The following TENM4 variants were observed in gnomAD, a reference collection of about 807,000 sequenced individuals.
TENM4 encodes teneurin transmembrane protein 4, also known as teneurin-4.
Under a neutral mutation model 243.3 loss-of-function variants are expected in TENM4, and 82 were observed. The observed-to-expected ratio is 0.34, with a 90% CI of 0.28 to 0.40. TENM4 has a LOEUF of 0.40. TENM4 is among the 10% of genes least tolerant of loss of function. The pLI is 1.00. For synonymous variants in TENM4, 1,412 were observed against 1,456.3 expected, an observed-to-expected ratio of 0.97 and a Z score of 0.69; for missense variants, 3,138 against 3,673.3, an observed-to-expected ratio of 0.85 and a Z score of 3.77.
intron 6 of TENM4, among the ~76,000 whole-genome samples, chr11:78,993,594 T>C (rs747299859): frequency 1.5e-4 from 23 of 152,334 alleles, no homozygotes; most frequent in South Asian, 4.1e-4. Flanking sequence ...GGATAGTTTT[T>C]ATTGCCCTGT....
intron 4 of TENM4, chr11:79,092,871 C>T (rs1182324200): frequency 6.6e-6 from 1 of 152,226 alleles, no homozygotes; most frequent in African/African-American, 2.4e-5. Flanking sequence ...CCCTGGATCC[C>T]TTGTTTCCTG....
intron 12 of TENM4, among the ~76,000 whole-genome samples, chr11:78,832,196 C>T (rs1858000626): frequency 6.6e-6 from 1 of 152,212 alleles, no homozygotes; most frequent in Non-Finnish European, 1.5e-5. Context: ...TTTTCCTTTC[C>T]TTTCTTCCTA....
intron 26 of TENM4, among the ~76,000 whole-genome samples, chr11:78,710,931 C>T (rs1287086236): frequency 6.6e-6 from 1 of 152,192 alleles, no homozygotes; most frequent in East Asian, 1.9e-4. Flanking sequence ...TTAGAAAAAA[C>T]TGTTTTAAAC....
intron 1 of TENM4, among the ~76,000 whole-genome samples, chr11:79,308,313 T>C (rs992708893): frequency 4.6e-5 from 7 of 152,230 alleles, no homozygotes; most frequent in African/African-American, 1.7e-4. Context: ...CAAATAGCTA[T>C]CAAAATGTTA....
rs1418304988 is a variant in TENM4, at chr11:78,856,164, A to G, written c.1270T>C (p.Phe424Leu). 6.4e-7 allele frequency: 1 copy of G among 1,551,562 alleles called. No individual in the cohort carries two copies. ...TCTATGAAACTGTCCTCTGGAAAGA[A>G]ACTACTGGGCTTTCCTACCAAGATA... ...KGTTEGKPSS[F>L]FPEDSFIDSG... The change falls in exon 11 of 34, where the codon TTC becomes CTC. Residue 424 changes from phenylalanine (F) to leucine (L), a missense_variant. By Grantham distance (22) the Phe-to-Leu change is conservative. Around this residue, in one of 2 missense-constraint regions of TENM4, gnomAD observed 671 missense variants for 614.1 expected, o/e 1.09. Coordinates refer to ENST00000278550, the MANE Select transcript of TENM4 (RefSeq NM_001098816.3).
At chr11:79,095,139 G>C (rs1363052468) in intron 4 of TENM4, among the ~76,000 whole-genome samples, 1 of 152,132 alleles carries the variant, frequency 6.6e-6, no homozygotes, top group Non-Finnish European at 1.5e-5. Flanking sequence ...TGGAAATGGG[G>C]TCCAGGCTGC....
At chr11:79,251,380 C>A (rs1051964488) in intron 2 of TENM4, among the ~76,000 whole-genome samples, 2 of 152,218 alleles carry the variant, frequency 1.3e-5, no homozygotes, top group African/African-American at 4.8e-5. Context: ...GCACCACATG[C>A]AAGCATGAAG....
At chr11:79,336,449 GT>G (rs1177303754) in intron 1 of TENM4, among the ~76,000 whole-genome samples, 1 of 152,168 alleles carries the variant, frequency 6.6e-6, no homozygotes, top group Non-Finnish European at 1.5e-5. Context: ...AAAAGGGTCT[GT>G]TATAAAAGGT....
At chr11:79,304,526 C>G (rs1856596586) in intron 1 of TENM4, among the ~76,000 whole-genome samples, 1 of 152,180 alleles carries the variant, frequency 6.6e-6, no homozygotes, top group African/African-American at 2.4e-5. Context: ...TGATCAGGTC[C>G]TTGAAACATG....
intron 1 of TENM4, among the ~76,000 whole-genome samples, chr11:79,420,002 CA>C: frequency 6.6e-6 from 1 of 152,104 alleles, no homozygotes; most frequent in East Asian, 1.9e-4. Flanking sequence ...AATGAGAAAC[CA>C]TTTATTTTAA....
Position 78,997,931 on chromosome 11 carries a change from C to T in TENM4, c.493+66807G>A, listed in dbSNP as rs117032818. 1.2e-3 allele frequency among the ~76,000 whole-genome samples: 179 copies of T among 152,254 alleles called. 1 individual carries two copies. The highest frequency in any genetic ancestry group is 8.9e-3 in the East Asian group (46 of 5,180). On this transcript the variant is annotated intron_variant, in intron 6 of 33. Transcript: ENST00000278550. ...GGAGGAAAAGAGAAGTCTTCTCTCTCTCTTCTCTCTTTCCTTGGTGTATAT... is the reference window on the plus strand; with the variant it reads ...GGAGGAAAAGAGAAGTCTTCTCTCTTTCTTCTCTCTTTCCTTGGTGTATAT...
At chr11:79,343,188 C>G (rs1038460807) in intron 1 of TENM4, among the ~76,000 whole-genome samples, 2 of 152,234 alleles carry the variant, frequency 1.3e-5, no homozygotes, top group Non-Finnish European at 2.9e-5. Flanking sequence ...GAGAAGAGAG[C>G]ATTTACTGAC....
chr11:79,017,783 G>C (rs1239757704), intron 6 of TENM4, among the ~76,000 whole-genome samples: 1 of 152,196 alleles, frequency 6.6e-6, no homozygotes, highest in Non-Finnish European at 1.5e-5. Context: ...GGCACAGGCT[G>C]CTTAGGGAGC....
intron 1 of TENM4, among the ~76,000 whole-genome samples, chr11:79,324,678 G>A (rs1374475903): frequency 6.6e-6 from 1 of 152,096 alleles, no homozygotes; most frequent in Non-Finnish European, 1.5e-5. Context: ...ATATGTAGAT[G>A]TATATATAGA....
intron 12 of TENM4, among the ~76,000 whole-genome samples, chr11:78,825,563 GTC>G (rs1487718558): frequency 6.6e-6 from 1 of 152,122 alleles, no homozygotes; most frequent in African/African-American, 2.4e-5. Flanking sequence ...TTACACACAA[GTC>G]TGTAAAAAAC....
intron 4 of TENM4, among the ~76,000 whole-genome samples, chr11:79,109,567 G>T (rs1368203353): frequency 6.6e-6 from 1 of 152,120 alleles, no homozygotes; most frequent in Non-Finnish European, 1.5e-5. Context: ...GCAGGCCGAG[G>T]TTCAAATCCC....
intron 12 of TENM4, among the ~76,000 whole-genome samples, chr11:78,817,939 C>T (rs932884766): frequency 6.6e-6 from 1 of 152,186 alleles, no homozygotes; most frequent in Admixed American, 6.5e-5. Context: ...AAGGCCTGGA[C>T]ATCTTACACA....
At chr11:78,778,798 G>A (rs1252508020) in intron 16 of TENM4, among the ~76,000 whole-genome samples, 170 bp from the exon 17 acceptor site, 1 of 152,170 alleles carries the variant, frequency 6.6e-6, no homozygotes, top group Non-Finnish European at 1.5e-5. Flanking sequence ...CATGAGAGAG[G>A]AGAAGGGAGA....
intron 4 of TENM4, among the ~76,000 whole-genome samples, chr11:79,085,377 A>AAAAAAAT (rs1860785922): frequency 5.9e-4 from 1 of 1,702 alleles, no homozygotes; most frequent in South Asian, 0.018. Flanking sequence ...ACTCTGTCTC[A>AAAAAAAT]AAAAAAAAAA....
Sources: allele counts gnomAD v4.1 joint callset (sites outside exome capture counted in the v4.1 genomes callset), GRCh38; gene constraint gnomAD v4.1.1; regional missense constraint gnomAD v4.1.1; transcripts MANE v1.5; gene names NCBI Gene and HGNC (gene_info 2026-07-23, HGNC 2026-07-21).